GAB2: variants seen among roughly 807,000 people sequenced by gnomAD.
The protein encoded by GAB2 is GRB2 associated binding protein 2.
In GAB2, 26 loss-of-function variants were observed where a neutral mutation model predicts 65.5. The ratio of observed to expected loss-of-function variants is 0.40; its 90% confidence interval spans 0.29 to 0.55. GAB2 has a LOEUF of 0.55. GAB2 is among the 20% of genes least tolerant of loss of function. GAB2 has a pLI of 0.53. For synonymous variants in GAB2, 321 were observed against 329.6 expected (o/e 0.97, Z 0.28); for missense variants, 884 against 875.8 (o/e 1.01, Z -0.12).
intron 3 of GAB2, among the ~76,000 whole-genome samples, chr11:78,235,278 G>C (rs552795854): frequency 1.3e-5 from 2 of 151,704 alleles, no homozygotes; most frequent in South Asian, 4.2e-4. Flanking sequence ...TCAGTCTCCC[G>C]AGTAGCTGGG....
At chr11:78,239,107 AAAAG>A (rs201447916) in intron 3 of GAB2, among the ~76,000 whole-genome samples, 1,865 of 152,318 alleles carry the variant, frequency 0.012, 19 homozygotes, top group Middle Eastern at 0.02. Context: ...AGAAAAAAAA[AAAAG>A]GAAGTAATGC....
chr11:78,267,177 T>C (rs1259294239), intron 2 of GAB2, among the ~76,000 whole-genome samples: 1 of 152,106 alleles, frequency 6.6e-6, no homozygotes, highest in Admixed American at 6.5e-5. Context: ...ACTGAGACAC[T>C]GGAAAATTAG....
chr11:78,342,081 G>A (rs1856105949), intron 1 of GAB2, among the ~76,000 whole-genome samples: 2 of 152,188 alleles, frequency 1.3e-5, no homozygotes, highest in Admixed American at 1.3e-4. Flanking sequence ...ATGCACAGCA[G>A]AAATAAATAT....
intron 1 of GAB2, among the ~76,000 whole-genome samples, chr11:78,315,728 A>C (rs1403921718): frequency 6.6e-6 from 1 of 152,226 alleles, no homozygotes; most frequent in Non-Finnish European, 1.5e-5. Flanking sequence ...TGAAAAGACA[A>C]TCCACTGAAT....
intron 1 of GAB2, among the ~76,000 whole-genome samples, chr11:78,352,925 G>C (rs1856301413): frequency 6.6e-6 from 1 of 152,190 alleles, no homozygotes; most frequent in Admixed American, 6.5e-5. Context: ...TTGATAATCA[G>C]ATTAAAACTG....
At chr11:78,276,779 C>T (rs1866182515) in intron 2 of GAB2, among the ~76,000 whole-genome samples, 1 of 152,138 alleles carries the variant, frequency 6.6e-6, no homozygotes, top group African/African-American at 2.4e-5. Context: ...AGGATTCAGA[C>T]AATATCTTTT....
At chr11:78,323,281 G>T (rs986565907) in intron 1 of GAB2, among the ~76,000 whole-genome samples, 3 of 152,086 alleles carry the variant, frequency 2.0e-5, no homozygotes, top group Non-Finnish European at 2.9e-5. Context: ...AGACTGAGAC[G>T]GGACGATCAC....
chr11:78,378,513 T>G (rs975877891), intron 1 of GAB2, among the ~76,000 whole-genome samples: 10 of 152,108 alleles, frequency 6.6e-5, no homozygotes, highest in African/African-American at 2.2e-4. Context: ...ACAGTCAAGA[T>G]CCCATTCAAT....
chr11:78,235,245 C>T (rs184524980), intron 3 of GAB2, among the ~76,000 whole-genome samples: 1,845 of 151,986 alleles, frequency 0.012, 42 homozygotes, highest in African/African-American at 0.042. Context: ...CTCCGCCTCC[C>T]GGGTTCACGC....
chr11:78,237,928 C>G (rs1865024127), intron 3 of GAB2, among the ~76,000 whole-genome samples: 1 of 152,172 alleles, frequency 6.6e-6, no homozygotes, highest in Non-Finnish European at 1.5e-5. Flanking sequence ...AATGCAGGAA[C>G]AGAAAACCAA....
intron 3 of GAB2, among the ~76,000 whole-genome samples, chr11:78,232,195 T>G (rs1414156919): frequency 6.6e-6 from 1 of 152,200 alleles, no homozygotes; most frequent in Non-Finnish European, 1.5e-5. Flanking sequence ...ATGGGTAAGC[T>G]CTCCACTGAC....
In GAB2 at chr11:78,226,553, C is replaced by T. The variant is rs149467016; in HGVS notation, c.1119G>A (p.Pro373=). The change falls in exon 4 of 10, where the codon CCG becomes CCA. Residue 373 remains proline, a synonymous_variant. Coordinates refer to ENST00000361507, the MANE Select transcript of GAB2 (RefSeq NM_080491.3). ...TPRWGSPQQR[P]PISENSRSVA... The stretch of plus-strand genomic sequence containing the variant: ...CAGATCTGCTATTTTCACTGATTGG[C>T]GGTCTCTGCTGAGGACTGCCCCATC... 267 of 1,410,352 alleles carry T rather than the reference C, an allele frequency of 1.9e-4. No homozygotes were observed. The highest frequency in any genetic ancestry group is 2.4e-4 in the Non-Finnish European group (259 of 1,059,248). The allele number at this position is 1,410,352 out of a possible 1,614,324, so 87.4% of individuals were successfully genotyped here. A position where few individuals can be genotyped will look rare whatever the true frequency, so the allele number is the denominator to read the frequency against.
chr11:78,225,074 C>T (rs775086525), intron 5 of GAB2, 34 bp downstream of exon 5: 36 of 1,379,924 alleles, frequency 2.6e-5, no homozygotes, highest in Admixed American at 1.9e-4. Context: ...CTAACCAGGC[C>T]GGCCTGAGGA....
At chr11:78,258,087 C>G (rs1865640960) in intron 2 of GAB2, among the ~76,000 whole-genome samples, 1 of 152,182 alleles carries the variant, frequency 6.6e-6, no homozygotes, top group Non-Finnish European at 1.5e-5. Flanking sequence ...TTCATCTTCC[C>G]AAGCCTCACT....
rs1259334786 is a variant in GAB2, at chr11:78,225,219, G to A, written c.1208-17C>T. ...AGGAAGAAGCTGACAGAGGAAGGAG[G>A]ATTCATAAGTACTCATGGTTGATTC... On this transcript the variant is annotated splice_polypyrimidine_tract_variant and intron_variant, in intron 4 of 9. Transcript: ENST00000361507. 5.2e-6 allele frequency: 8 copies of A among 1,532,628 alleles called. No homozygotes were observed. The highest frequency in any genetic ancestry group is 1.1e-5 in the South Asian group (1 of 89,414). The allele number at this position is 1,532,628 out of a possible 1,614,324, so 94.9% of individuals were successfully genotyped here.
chr11:78,336,077 G>A (rs1437408341), intron 1 of GAB2, among the ~76,000 whole-genome samples: 3 of 151,934 alleles, frequency 2.0e-5, no homozygotes, highest in Non-Finnish European at 2.9e-5. Flanking sequence ...ACTTTGGGAG[G>A]CGGAGGGAGG....
chr11:78,357,975 G>T (rs1856381445), intron 1 of GAB2, among the ~76,000 whole-genome samples: 1 of 152,100 alleles, frequency 6.6e-6, no homozygotes, highest in Non-Finnish European at 1.5e-5. Context: ...AAATCTTGCT[G>T]CTATAAAGAC....
intron 1 of GAB2, among the ~76,000 whole-genome samples, chr11:78,345,214 G>A (rs1298440902): frequency 6.6e-6 from 1 of 152,156 alleles, no homozygotes; most frequent in African/African-American, 2.4e-5. Context: ...AGGAGGCAGA[G>A]GTTGCAGTGA....
chr11:78,380,099 G>C (rs1397714675), intron 1 of GAB2, among the ~76,000 whole-genome samples: 3 of 152,164 alleles, frequency 2.0e-5, no homozygotes, highest in Non-Finnish European at 4.4e-5. Flanking sequence ...GTATGCAAGA[G>C]AGTGCCGGAC....
Sources: gnomAD v4.1 joint callset for allele counts (sites outside exome capture counted in the v4.1 genomes callset) on GRCh38, gnomAD v4.1.1 for gene constraint, MANE v1.5 for transcripts, NCBI Gene and HGNC (gene_info 2026-07-23, HGNC 2026-07-21) for gene names.